The following IL1RAPL1 variants were observed in gnomAD, a reference collection of about 807,000 sequenced individuals.
IL1RAPL1 encodes interleukin-1 receptor accessory protein-like 1.
Under a neutral mutation model 48.4 loss-of-function variants are expected in IL1RAPL1, and 3 were observed. The observed-to-expected ratio is 0.06, with a 90% CI of 0.03 to 0.16. IL1RAPL1 has a LOEUF of 0.16. IL1RAPL1 is among the 10% of genes least tolerant of loss of function. IL1RAPL1 has a pLI of 1.00. For missense variants in IL1RAPL1, 349 were observed against 530.6 expected, an observed-to-expected ratio of 0.66 and a Z score of 3.36; for synonymous variants, 185 against 187.7, an observed-to-expected ratio of 0.99 and a Z score of 0.12.
intron 1 of IL1RAPL1, among the ~76,000 whole-genome samples, chrX:28,780,569 T>C (rs1012070601): frequency 2.7e-5 from 3 of 110,576 alleles, no homozygotes; most frequent in Non-Finnish European, 5.7e-5. Flanking sequence ...AGAATTATAA[T>C]AAATCATTCA....
intron 6 of IL1RAPL1, among the ~76,000 whole-genome samples, chrX:29,695,762 A>G (rs1473311682): frequency 3.6e-5 from 4 of 111,474 alleles, no homozygotes; most frequent in Non-Finnish European, 7.5e-5. Context: ...TAGCGTTACA[A>G]CATATGAATT....
chrX:29,195,956 T>G, intron 2 of IL1RAPL1, among the ~76,000 whole-genome samples: 1 of 111,869 alleles, frequency 8.9e-6, no homozygotes, highest in South Asian at 3.7e-4. Flanking sequence ...TCCTAGATAG[T>G]AATATGTCTA....
intron 3 of IL1RAPL1, among the ~76,000 whole-genome samples, chrX:29,382,822 T>C (rs1933729368): frequency 8.9e-6 from 1 of 111,899 alleles, no homozygotes; most frequent in Admixed American, 9.5e-5. Context: ...TGTATGAGAC[T>C]CCACTCACAG....
intron 6 of IL1RAPL1, among the ~76,000 whole-genome samples, chrX:29,790,234 A>G (rs1929599649): frequency 8.9e-6 from 1 of 112,082 alleles, no homozygotes; most frequent in East Asian, 2.8e-4. Flanking sequence ...ACAGCAATAT[A>G]CTTAGTGCTG....
chrX:29,579,086 T>G (rs2147802586), intron 5 of IL1RAPL1, among the ~76,000 whole-genome samples: 1 of 111,690 alleles, frequency 9.0e-6, no homozygotes, highest in Admixed American at 9.5e-5. Flanking sequence ...CTTATTTACA[T>G]GATGGAAACA....
At chrX:29,162,490 A>C (rs1929705760) in intron 2 of IL1RAPL1, among the ~76,000 whole-genome samples, 1 of 110,738 alleles carries the variant, frequency 9.0e-6, no homozygotes, top group African/African-American at 3.3e-5. Context: ...ACCAATCAAA[A>C]TTTTGAGCAA....
intron 2 of IL1RAPL1, among the ~76,000 whole-genome samples, chrX:29,154,948 T>G (rs895717688): frequency 1.8e-5 from 2 of 111,509 alleles, no homozygotes; most frequent in Non-Finnish European, 3.8e-5. Context: ...ATTAAGTAAC[T>G]TTCCCACAAT....
chrX:29,058,738 A>G (rs913650127), intron 2 of IL1RAPL1, among the ~76,000 whole-genome samples: 1 of 110,762 alleles, frequency 9.0e-6, no homozygotes, highest in African/African-American at 3.3e-5. Flanking sequence ...TTAGGATCTC[A>G]CTCCATGAAC....
At chrX:28,659,358 TC>T in intron 1 of IL1RAPL1, 1 of 551,785 alleles carries the variant, frequency 1.8e-6, no homozygotes, top group Non-Finnish European at 3.3e-6. Context: ...CGATGAGGTT[TC>T]TCCACCCCTC....
chrX:28,606,352 C>T (rs1006107874), intron 1 of IL1RAPL1, among the ~76,000 whole-genome samples: 1 of 112,125 alleles, frequency 8.9e-6, no homozygotes, highest in African/African-American at 3.2e-5. Flanking sequence ...TATGAAGTGT[C>T]TCATGGCGTA....
chrX:29,044,250 G>A (rs1011678290), intron 2 of IL1RAPL1, among the ~76,000 whole-genome samples: 2 of 110,146 alleles, frequency 1.8e-5, no homozygotes, highest in Non-Finnish European at 3.8e-5. Context: ...TGGCCAACAC[G>A]GTGAAACCCA....
chrX:29,721,657 T>A (rs1403503006), intron 6 of IL1RAPL1, among the ~76,000 whole-genome samples: 2 of 111,830 alleles, frequency 1.8e-5, no homozygotes, highest in African/African-American at 6.5e-5. Context: ...ATAATTTATG[T>A]CAAATTTCAC....
intron 5 of IL1RAPL1, among the ~76,000 whole-genome samples, chrX:29,477,099 C>T (rs1167000478): frequency 9.1e-6 from 1 of 109,408 alleles, no homozygotes; most frequent in Non-Finnish European, 1.9e-5. Flanking sequence ...CCAGGATGGT[C>T]TCGATCCCAT....
intron 3 of IL1RAPL1, among the ~76,000 whole-genome samples, chrX:29,310,113 A>G (rs1569282265): frequency 5.8e-5 from 5 of 86,118 alleles, no homozygotes; most frequent in Non-Finnish European, 1.1e-4. Flanking sequence ...AAAAAAAAAA[A>G]AAAAAAAAAA....
At chrX:29,394,978 G>A (rs1404581799) in intron 3 of IL1RAPL1, among the ~76,000 whole-genome samples, 1 of 112,018 alleles carries the variant, frequency 8.9e-6, no homozygotes, top group Non-Finnish European at 1.9e-5. Flanking sequence ...TTCAACAAAA[G>A]CAAGAATCTA....
chrX:29,452,879 A>G (rs1934695300), intron 5 of IL1RAPL1, among the ~76,000 whole-genome samples: 1 of 108,102 alleles, frequency 9.3e-6, no homozygotes, highest in Non-Finnish European at 1.9e-5. Context: ...TCATCCTTGT[A>G]AAACCACGGA....
At chrX:28,629,517 A>G (rs73630066) in intron 1 of IL1RAPL1, among the ~76,000 whole-genome samples, 9,133 of 111,743 alleles carry the variant, frequency 0.082, 292 homozygotes, top group African/African-American at 0.13. Flanking sequence ...TATGTACCAA[A>G]ATATAATACA....
intron 1 of IL1RAPL1, among the ~76,000 whole-genome samples, chrX:28,605,678 G>A (rs1352527185): frequency 4.5e-5 from 5 of 111,973 alleles, no homozygotes; most frequent in African/African-American, 9.7e-5. Flanking sequence ...TCAAATCCCT[G>A]CAAAGGTTGC....
intron 2 of IL1RAPL1, among the ~76,000 whole-genome samples, chrX:29,020,294 G>C (rs1342525053): frequency 8.9e-6 from 1 of 112,232 alleles, no homozygotes; most frequent in Non-Finnish European, 1.9e-5. Flanking sequence ...TTTGGTAAAT[G>C]ACAGACCAAA....
Sources: gnomAD v4.1 joint callset for allele counts (sites outside exome capture counted in the v4.1 genomes callset) on GRCh38, gnomAD v4.1.1 for gene constraint, MANE v1.5 for transcripts, NCBI Gene and HGNC (gene_info 2026-07-23, HGNC 2026-07-21) for gene names.